ADAMTS12: variants seen among roughly 807,000 people sequenced by gnomAD.
ADAMTS12 encodes ADAM metallopeptidase with thrombospondin type 1 motif 12, also known as A disintegrin and metalloproteinase with thrombospondin motifs 12.
ADAMTS12 carries 118 observed loss-of-function variants against 167.8 expected under a neutral mutation model. The observed-to-expected ratio is 0.70, with a 90% CI of 0.61 to 0.82. The LOEUF (loss-of-function observed/expected upper bound fraction) is 0.82. Among genes scored for constraint, ADAMTS12 ranks in the 40% least tolerant of loss-of-function variants. The pLI is 0.00. For missense variants in ADAMTS12, 1,916 were observed against 1,998.8 expected (o/e 0.96, Z 0.79); for synonymous variants, 704 against 716.9 (o/e 0.98, Z 0.29).
chr5:33,699,754 C>A (rs6451016), intron 3 of ADAMTS12, among the ~76,000 whole-genome samples: 4 of 151,834 alleles, frequency 2.6e-5, no homozygotes, highest in Admixed American at 1.3e-4. Context: ...AAGAAAAAGC[C>A]CATTTGAGGA....
intron 7 of ADAMTS12, among the ~76,000 whole-genome samples, chr5:33,653,692 A>G (rs1005168426): frequency 4.6e-5 from 7 of 152,170 alleles, no homozygotes; most frequent in South Asian, 2.1e-4. Context: ...TTTCCCTCCT[A>G]TAGATGGGGT....
chr5:33,762,528 A>G (rs1745395718), intron 2 of ADAMTS12, among the ~76,000 whole-genome samples: 1 of 152,018 alleles, frequency 6.6e-6, no homozygotes, highest in South Asian at 2.1e-4. Flanking sequence ...AAATAAATAA[A>G]TAAAGGAAAG....
chr5:33,891,057 AAAC>A (rs1338282784), intron 1 of ADAMTS12, among the ~76,000 whole-genome samples: 3 of 152,260 alleles, frequency 2.0e-5, no homozygotes, highest in Non-Finnish European at 2.9e-5. Context: ...TAAAAGAATA[AAAC>A]AACAACAACA....
intron 2 of ADAMTS12, among the ~76,000 whole-genome samples, chr5:33,790,919 G>A (rs576697247): frequency 1.3e-5 from 2 of 152,038 alleles, no homozygotes; most frequent in East Asian, 1.9e-4. Context: ...CATCCCACAG[G>A]AGAAACCCCT....
chr5:33,574,514 G>T (rs377440445), intron 19 of ADAMTS12, among the ~76,000 whole-genome samples: 1 of 149,690 alleles, frequency 6.7e-6, no homozygotes, highest in African/African-American at 2.5e-5. Flanking sequence ...ACCAAACACC[G>T]CATGTTCTCA....
At chr5:33,786,037 T>G (rs561944103) in intron 2 of ADAMTS12, among the ~76,000 whole-genome samples, 1 of 152,186 alleles carries the variant, frequency 6.6e-6, no homozygotes, top group African/African-American at 2.4e-5. Context: ...CAAAATATTA[T>G]GCAAAGTGAA....
intron 20 of ADAMTS12, among the ~76,000 whole-genome samples, chr5:33,559,519 T>A (rs1745637720): frequency 6.6e-6 from 1 of 152,212 alleles, no homozygotes; most frequent in African/African-American, 2.4e-5. Flanking sequence ...CACAAGGAAC[T>A]ATGGAGACAG....
At chr5:33,811,374 A>C (rs1747454783) in intron 2 of ADAMTS12, among the ~76,000 whole-genome samples, 1 of 152,218 alleles carries the variant, frequency 6.6e-6, no homozygotes, top group Non-Finnish European at 1.5e-5. Context: ...AAGCATGGCA[A>C]GGGAGTGCAG....
At chr5:33,676,981 C>T (rs1022455670) in intron 5 of ADAMTS12, among the ~76,000 whole-genome samples, 1 of 152,134 alleles carries the variant, frequency 6.6e-6, no homozygotes, top group Non-Finnish European at 1.5e-5. Context: ...ACCTTCAAGC[C>T]CCACCAATGC....
intron 2 of ADAMTS12, among the ~76,000 whole-genome samples, chr5:33,827,760 T>A (rs182330929): frequency 2.7e-5 from 4 of 145,726 alleles, no homozygotes; most frequent in Admixed American, 6.9e-5. Context: ...GATAGATAGA[T>A]AGAATGTTTT....
chr5:33,816,524 C>G (rs560590332), intron 2 of ADAMTS12, among the ~76,000 whole-genome samples: 23 of 152,284 alleles, frequency 1.5e-4, no homozygotes, highest in African/African-American at 4.8e-4. Context: ...CCCTTCACCC[C>G]CATTCTACTC....
At chr5:33,571,775 C>T (rs940130598) in intron 19 of ADAMTS12, among the ~76,000 whole-genome samples, 239 of 150,030 alleles carry the variant, frequency 1.6e-3, no homozygotes, top group African/African-American at 5.6e-3. Flanking sequence ...AATAGAGACA[C>T]AAAAAACCCT....
At chr5:33,737,187 T>G (rs527255565) in intron 3 of ADAMTS12, among the ~76,000 whole-genome samples, 1 of 152,322 alleles carries the variant, frequency 6.6e-6, no homozygotes, top group South Asian at 2.1e-4. Flanking sequence ...GGCATCGATG[T>G]TGGGAAGCAG....
At chr5:33,616,487 C>A (rs1452184539) in intron 14 of ADAMTS12, among the ~76,000 whole-genome samples, 2 of 152,196 alleles carry the variant, frequency 1.3e-5, no homozygotes, top group Admixed American at 6.5e-5. Flanking sequence ...TGGATACATA[C>A]TTTTCCTCAC....
At chr5:33,563,095 AG>A (rs1161156022) in intron 19 of ADAMTS12, among the ~76,000 whole-genome samples, 1 of 152,204 alleles carries the variant, frequency 6.6e-6, no homozygotes, top group Non-Finnish European at 1.5e-5. Flanking sequence ...TCATTTATAG[AG>A]GTAATATATT....
intron 3 of ADAMTS12, among the ~76,000 whole-genome samples, chr5:33,699,629 T>G (rs1263941037): frequency 6.6e-6 from 1 of 152,160 alleles, no homozygotes; most frequent in Non-Finnish European, 1.5e-5. Context: ...AGCTCTAAAA[T>G]TGATTTTGGT....
intron 2 of ADAMTS12, among the ~76,000 whole-genome samples, chr5:33,761,769 G>A (rs1745364609): frequency 6.6e-6 from 1 of 152,186 alleles, no homozygotes; most frequent in Non-Finnish European, 1.5e-5. Context: ...ATAGGTCTGA[G>A]TAACTGTAGT....
At chr5:33,572,086 T>C (rs1270549524) in intron 19 of ADAMTS12, among the ~76,000 whole-genome samples, 1 of 152,126 alleles carries the variant, frequency 6.6e-6, no homozygotes, top group Non-Finnish European at 1.5e-5. Flanking sequence ...TAACAGGAGC[T>C]GAAATTGGGG....
chr5:33,661,880 T>G (rs748516385), intron 6 of ADAMTS12, 36 bp downstream of exon 6: 1 of 1,611,544 alleles, frequency 6.2e-7, no homozygotes, highest in Non-Finnish European at 8.5e-7. Context: ...CCTCCCTGCT[T>G]TACTGCCCCT....
Sources: gnomAD v4.1 joint callset for allele counts (sites outside exome capture counted in the v4.1 genomes callset) on GRCh38, gnomAD v4.1.1 for gene constraint, MANE v1.5 for transcripts, NCBI Gene and HGNC (gene_info 2026-07-23, HGNC 2026-07-21) for gene names.